Variants in CPEB3 observed in about 807,000 individuals in gnomAD.
CPEB3 encodes the protein cytoplasmic polyadenylation element binding protein 3, also known as cytoplasmic polyadenylation element-binding protein 3.
CPEB3 carries 20 observed loss-of-function variants against 67.2 expected under a neutral mutation model. The observed-to-expected ratio is 0.30, with a 90% confidence interval of 0.21 to 0.43. The LOEUF is 0.43. Ranked by LOEUF, CPEB3 falls within the 20% of genes least tolerant of loss-of-function variation. The pLI, the probability that CPEB3 is intolerant of heterozygous loss-of-function variation, is 1.00. For synonymous variants in CPEB3, 376 were observed against 393.1 expected (o/e 0.96, Z 0.51); for missense variants, 746 against 968.6 (o/e 0.77, Z 3.05).
intron 6 of CPEB3, among the ~76,000 whole-genome samples, chr10:92,115,007 G>A (rs1479430848): frequency 6.6e-6 from 1 of 152,148 alleles, no homozygotes; most frequent in Non-Finnish European, 1.5e-5. Context: ...ACTTTCAGCC[G>A]GCAGAGCCGC....
chr10:92,172,569 A>C lies in CPEB3; in HGVS notation c.1222+8394T>G, dbSNP rs150901979. ...CACGGGATTAGGAACTGGTTGGCAG[A>C]ATAATCTGTGTGTCTAAACCTTATA... On this transcript the variant is annotated intron_variant, in intron 4 of 9. Transcript: ENST00000265997. Among the ~76,000 whole-genome samples, 1,159 of 152,372 alleles carry C rather than the reference A, an allele frequency of 7.6e-3. 16 individuals are homozygous for C. Among genetic ancestry groups the C allele is most frequent in the South Asian group, 0.047 (229 of 4,824 alleles).
At chr10:92,183,913 C>T (rs1848571194) in intron 3 of CPEB3, among the ~76,000 whole-genome samples, 1 of 152,178 alleles carries the variant, frequency 6.6e-6, no homozygotes, top group Non-Finnish European at 1.5e-5. Context: ...TAGTTTACAA[C>T]CACTATATCA....
chr10:92,222,226 G>A (rs537187135), intron 2 of CPEB3, among the ~76,000 whole-genome samples: 22 of 150,318 alleles, frequency 1.5e-4, no homozygotes, highest in Non-Finnish European at 2.4e-4. Flanking sequence ...TCATAGAGAT[G>A]GGATCTTCTT....
chr10:92,155,957 T>A (rs948728456), intron 4 of CPEB3, among the ~76,000 whole-genome samples: 3 of 152,260 alleles, frequency 2.0e-5, no homozygotes, highest in Non-Finnish European at 2.9e-5. Flanking sequence ...AGATAATTTT[T>A]AAAAATATGA....
intron 1 of CPEB3, among the ~76,000 whole-genome samples, chr10:92,272,827 G>A (rs1283906557): frequency 6.6e-6 from 1 of 152,286 alleles, no homozygotes; most frequent in East Asian, 1.9e-4. Context: ...AATCAGGTGA[G>A]TAACGTGATC....
intron 7 of CPEB3, among the ~76,000 whole-genome samples, chr10:92,094,130 C>T (rs923751210): frequency 2.4e-4 from 36 of 151,766 alleles, no homozygotes; most frequent in South Asian, 4.2e-4. Flanking sequence ...GCTGGGATTA[C>T]GGGAGCGAGC....
At chr10:92,272,879 T>A (rs1344534724) in intron 1 of CPEB3, among the ~76,000 whole-genome samples, 4 of 152,162 alleles carry the variant, frequency 2.6e-5, no homozygotes, top group Non-Finnish European at 5.9e-5. Context: ...GGGTAGTCAA[T>A]GGAGCAGAGT....
chr10:92,077,819 G>C (rs1398196513), intron 9 of CPEB3, among the ~76,000 whole-genome samples: 1 of 148,394 alleles, frequency 6.7e-6, no homozygotes, highest in Non-Finnish European at 1.5e-5. Context: ...GAGGAGAGGG[G>C]AGGGGAGTGA....
intron 6 of CPEB3, 65 bp downstream of exon 6, chr10:92,142,964 C>A: frequency 1.7e-6 from 2 of 1,160,870 alleles, no homozygotes; most frequent in Non-Finnish European, 2.5e-6. Context: ...AAAAGGCTGC[C>A]TTTTATTGAA....
chr10:92,263,352 G>C (rs1230038717), intron 1 of CPEB3, among the ~76,000 whole-genome samples: 2 of 152,082 alleles, frequency 1.3e-5, no homozygotes, highest in Admixed American at 6.5e-5. Context: ...TTGGGATTAC[G>C]GGCCTCGTGA....
intron 6 of CPEB3, 132 bp downstream of exon 6, chr10:92,142,897 C>T: frequency 1.7e-6 from 1 of 573,004 alleles, no homozygotes; most frequent in Non-Finnish European, 3.1e-6. Flanking sequence ...AAAGGATGAT[C>T]AACATTAAAA....
At chr10:92,204,802 A>C (rs1849699031) in intron 2 of CPEB3, among the ~76,000 whole-genome samples, 1 of 151,632 alleles carries the variant, frequency 6.6e-6, no homozygotes, top group African/African-American at 2.4e-5. Context: ...ACATAATAGA[A>C]TATTGTATTC....
chr10:92,091,776 T>C (rs1843629737), intron 8 of CPEB3, 54 bp downstream of exon 8: 10 of 1,073,514 alleles, frequency 9.3e-6, no homozygotes, highest in Non-Finnish European at 1.4e-5. Context: ...CTAAAGGCAT[T>C]GGGGATTTTG....
chr10:92,087,814 C>T (rs969488467), intron 8 of CPEB3, among the ~76,000 whole-genome samples: 1 of 152,122 alleles, frequency 6.6e-6, no homozygotes, highest in African/African-American at 2.4e-5. Flanking sequence ...ATTCACATTA[C>T]GTGAATGAAG....
intron 8 of CPEB3, among the ~76,000 whole-genome samples, chr10:92,085,101 C>A (rs1021863808): frequency 6.6e-6 from 1 of 152,184 alleles, no homozygotes; most frequent in African/African-American, 2.4e-5. Flanking sequence ...GACAAAGTAG[C>A]TCCCAGGAGG....
Position 92,240,295 on chromosome 10 carries a change from T to TGCTGCTGGGGCTGGG in CPEB3, c.41_55dup (p.Pro14_Gln18dup). ...TTGGGGCTGCTGCTGCTGCCGCTGCTGCTGCTGGGGCTGGGGCTGGGTTTT... is the reference window on the plus strand; with the variant it reads ...TTGGGGCTGCTGCTGCTGCCGCTGCTGCTGCTGGGGCTGGGGCTGCTGGGGCTGGGGCTGGGTTTT... On this transcript the variant is annotated inframe_insertion, in exon 2 of 10. Coordinates refer to ENST00000265997, the MANE Select transcript of CPEB3 (RefSeq NM_014912.5). 6.6e-7 allele frequency: 1 copy of TGCTGCTGGGGCTGGG among 1,517,274 alleles called. No individual in the cohort carries two copies. The highest frequency in any genetic ancestry group is 8.8e-7 in the Non-Finnish European group (1 of 1,131,402). 94.0% of individuals were successfully genotyped at this position (1,517,274 alleles called of 1,614,324 possible). A position where few individuals can be genotyped will look rare whatever the true frequency, so the allele number is the denominator to read the frequency against.
chr10:92,289,799 A>AT (rs1201541742), intron 1 of CPEB3, among the ~76,000 whole-genome samples: 3 of 141,846 alleles, frequency 2.1e-5, no homozygotes, highest in Non-Finnish European at 4.6e-5. Flanking sequence ...TATATATTAT[A>AT]AATGTATTAT....
chr10:92,166,103 T>C (rs940484704), intron 4 of CPEB3, among the ~76,000 whole-genome samples: 1 of 151,954 alleles, frequency 6.6e-6, no homozygotes, highest in Non-Finnish European at 1.5e-5. Context: ...ACAAAATGTA[T>C]TTCTTTTTCT....
intron 7 of CPEB3, among the ~76,000 whole-genome samples, chr10:92,105,545 C>G (rs1346648448): frequency 6.6e-6 from 1 of 152,208 alleles, no homozygotes; most frequent in Non-Finnish European, 1.5e-5. Flanking sequence ...ATTCAAATGA[C>G]ACTTCATCCA....
Sources: allele counts gnomAD v4.1 joint callset (sites outside exome capture counted in the v4.1 genomes callset), GRCh38; gene constraint gnomAD v4.1.1; transcripts MANE v1.5; gene names NCBI Gene and HGNC (gene_info 2026-07-23, HGNC 2026-07-21).